SNTG1: variants seen among roughly 807,000 people sequenced by gnomAD.
SNTG1 encodes syntrophin gamma 1, also known as gamma-1-syntrophin.
SNTG1 carries 39 observed loss-of-function variants against 74.7 expected under a neutral mutation model. The ratio of observed to expected loss-of-function variants is 0.52; its 90% CI spans 0.40 to 0.68. The LOEUF is 0.68. Ranked by LOEUF, SNTG1 falls within the 30% of genes least tolerant of loss-of-function variation. The pLI is 0.00. For missense variants in SNTG1, 685 were observed against 609.5 expected, an observed-to-expected ratio of 1.12 and a Z score of -1.30; for synonymous variants, 254 against 217.1, an observed-to-expected ratio of 1.17 and a Z score of -1.49.
At position 50,428,543 on chromosome 8, in the gene SNTG1, G is replaced by A. The variant is rs142487971; in HGVS notation, c.163-10000G>A. Reference sequence around the variant, plus strand: ...ACAAGGAATATTTAAATTTTAAATAGTCTGCATTATCTAATGACCTTAAGT... The same window carrying A: ...ACAAGGAATATTTAAATTTTAAATAATCTGCATTATCTAATGACCTTAAGT... On this transcript the variant is annotated intron_variant, in intron 4 of 18. Coordinates refer to ENST00000642720, the MANE Select transcript of SNTG1 (RefSeq NM_018967.5). Among the ~76,000 whole-genome samples, 680 of 152,258 alleles carry A rather than the reference G, an allele frequency of 4.5e-3. 7 individuals carry two copies. Among genetic ancestry groups the A allele is most frequent in the African/African-American group, 0.015 (639 of 41,544 alleles).
At chr8:50,534,874 C>T (rs1308696502) in intron 10 of SNTG1, among the ~76,000 whole-genome samples, 4 of 152,120 alleles carry the variant, frequency 2.6e-5, no homozygotes, top group South Asian at 2.1e-4. Context: ...AAGTCAAGCA[C>T]TTAGTACAAG....
At chr8:50,735,833 G>T (rs917415136) in intron 17 of SNTG1, among the ~76,000 whole-genome samples, 1 of 151,988 alleles carries the variant, frequency 6.6e-6, no homozygotes, top group African/African-American at 2.4e-5. Context: ...ATTAACCAAG[G>T]TTGAAATGAA....
chr8:50,099,426 T>C (rs1297344078), intron 1 of SNTG1, among the ~76,000 whole-genome samples: 1 of 152,122 alleles, frequency 6.6e-6, no homozygotes, highest in Non-Finnish European at 1.5e-5. Context: ...CCCATTATCT[T>C]AGCAATTTTC....
intron 1 of SNTG1, among the ~76,000 whole-genome samples, chr8:50,064,737 G>A (rs994695674): frequency 1.1e-4 from 17 of 151,874 alleles, no homozygotes; most frequent in Non-Finnish European, 4.4e-5. Flanking sequence ...TTCTGCCTAC[G>A]GGCTCTGACC....
intron 1 of SNTG1, among the ~76,000 whole-genome samples, chr8:50,019,275 A>G (rs543133006): frequency 6.6e-6 from 1 of 152,216 alleles, no homozygotes; most frequent in East Asian, 1.9e-4. Flanking sequence ...TCTTTCTGAT[A>G]GATTTGAAGA....
intron 12 of SNTG1, among the ~76,000 whole-genome samples, chr8:50,574,837 C>A (rs951805510): frequency 3.9e-5 from 6 of 152,054 alleles, no homozygotes; most frequent in Non-Finnish European, 7.4e-5. Flanking sequence ...TATTTATTTG[C>A]ATAAGAACAT....
At chr8:50,733,594 T>C (rs534778889) in intron 17 of SNTG1, among the ~76,000 whole-genome samples, 228 of 152,004 alleles carry the variant, frequency 1.5e-3, no homozygotes, top group Non-Finnish European at 2.4e-3. Flanking sequence ...CAGGATCTGT[T>C]GTTTTTGACA....
At chr8:50,146,059 G>A (rs991185159) in intron 1 of SNTG1, among the ~76,000 whole-genome samples, 1 of 151,826 alleles carries the variant, frequency 6.6e-6, no homozygotes, top group Non-Finnish European at 1.5e-5. Context: ...AAGGCACTTT[G>A]GAAAGAAAAT....
At chr8:50,409,061 G>T (rs1285908982) in intron 4 of SNTG1, among the ~76,000 whole-genome samples, 1 of 152,098 alleles carries the variant, frequency 6.6e-6, no homozygotes, top group Admixed American at 6.6e-5. Context: ...TATCAAATGG[G>T]GCTTAAACCT....
At chr8:50,376,386 C>T (rs1161868836) in intron 2 of SNTG1, among the ~76,000 whole-genome samples, 5 of 152,026 alleles carry the variant, frequency 3.3e-5, no homozygotes, top group Non-Finnish European at 1.5e-5. Flanking sequence ...TTCTTTGCAG[C>T]AGTAGTATTT....
At chr8:50,010,455 A>G (rs889744637) in intron 1 of SNTG1, among the ~76,000 whole-genome samples, 1 of 152,162 alleles carries the variant, frequency 6.6e-6, no homozygotes, top group Non-Finnish European at 1.5e-5. Flanking sequence ...TCATTCACTA[A>G]TGTTTAGAAT....
chr8:50,515,393 T>G (rs1388334220), intron 9 of SNTG1, among the ~76,000 whole-genome samples: 1 of 95,346 alleles, frequency 1.0e-5, no homozygotes, highest in Non-Finnish European at 1.9e-5. Flanking sequence ...AGGAGTTTTT[T>G]TTTTTTTTTT....
chr8:50,150,782 C>A (rs886635085), intron 1 of SNTG1, among the ~76,000 whole-genome samples: 8 of 152,042 alleles, frequency 5.3e-5, no homozygotes, highest in African/African-American at 1.9e-4. Flanking sequence ...TGGTGGATAA[C>A]CTTTTTGATG....
chr8:50,091,275 C>CT (rs1021101884), intron 1 of SNTG1, among the ~76,000 whole-genome samples: 9 of 150,954 alleles, frequency 6.0e-5, no homozygotes, highest in African/African-American at 4.9e-5. Context: ...ATTTCTCTTC[C>CT]TTTTTTTTTC....
intron 1 of SNTG1, among the ~76,000 whole-genome samples, chr8:49,952,799 T>G (rs545326242): frequency 6.6e-6 from 1 of 152,160 alleles, no homozygotes; most frequent in African/African-American, 2.4e-5. Flanking sequence ...TTTAATAGCT[T>G]TGACTTAATA....
intron 4 of SNTG1, among the ~76,000 whole-genome samples, chr8:50,402,666 T>C (rs4416833): frequency 0.88 from 134,075 of 152,146 alleles, 59,336 homozygotes; most frequent in Non-Finnish European, 0.93. Context: ...TGGTGATGGC[T>C]TTTGCTCTGG....
intron 13 of SNTG1, among the ~76,000 whole-genome samples, chr8:50,610,030 T>G (rs1466162546): frequency 1.3e-5 from 2 of 152,162 alleles, no homozygotes; most frequent in Non-Finnish European, 2.9e-5. Flanking sequence ...CTTCTTCGTT[T>G]TCTTGTTTGA....
intron 1 of SNTG1, among the ~76,000 whole-genome samples, chr8:49,938,561 T>TCTTTC (rs1225692999): frequency 2.9e-4 from 8 of 27,568 alleles, no homozygotes; most frequent in Non-Finnish European, 1.6e-4. Context: ...TCTTTTGTTT[T>TCTTTC]CTTTTCTTTT....
At chr8:50,305,272 G>C (rs938417766) in intron 2 of SNTG1, among the ~76,000 whole-genome samples, 1 of 151,856 alleles carries the variant, frequency 6.6e-6, no homozygotes, top group Non-Finnish European at 1.5e-5. Context: ...CTATAGCAAT[G>C]AAAAAAATCT....
Sources: gnomAD v4.1 joint callset for allele counts (sites outside exome capture counted in the v4.1 genomes callset) on GRCh38, gnomAD v4.1.1 for gene constraint, MANE v1.5 for transcripts, NCBI Gene and HGNC (gene_info 2026-07-23, HGNC 2026-07-21) for gene names.